The following NALF1 variants were observed in gnomAD, a reference collection of about 807,000 sequenced individuals.
NALF1 encodes NALCN channel auxiliary factor 1.
A neutral mutation model predicts 48.4 loss-of-function variants in NALF1; 3 were observed. The observed-to-expected ratio is 0.06, with a 90% confidence interval of 0.03 to 0.16. The LOEUF (loss-of-function observed/expected upper bound fraction) is 0.16, where lower values mean the gene tolerates loss of function less well. Ranked by LOEUF, NALF1 falls within the 10% of genes least tolerant of loss-of-function variation. The probability of loss-of-function intolerance (pLI) is 1.00; values close to 1 mark genes in which losing one functional copy is unlikely to be tolerated. For synonymous variants in NALF1, 262 were observed against 245.7 expected (o/e 1.07, Z -0.62); for missense variants, 526 against 571.5 (o/e 0.92, Z 0.81).
At chr13:107,630,745 AAT>A (rs3073021) in intron 1 of NALF1, among the ~76,000 whole-genome samples, 86,344 of 150,618 alleles carry the variant, frequency 0.57, 27,315 homozygotes, top group East Asian at 0.99. Flanking sequence ...CGGTTTGTAA[AAT>A]ATATATATAT....
At chr13:107,855,486 C>T (rs1195965191) in intron 1 of NALF1, among the ~76,000 whole-genome samples, 1 of 152,198 alleles carries the variant, frequency 6.6e-6, no homozygotes, top group African/African-American at 2.4e-5. Flanking sequence ...TTACACCAAG[C>T]TGCCACAACA....
chr13:107,247,689 A>G (rs962524005), intron 1 of NALF1, among the ~76,000 whole-genome samples: 2 of 152,224 alleles, frequency 1.3e-5, no homozygotes, highest in African/African-American at 2.4e-5. Context: ...AAGGAAATTT[A>G]ATTAATTCAA....
chr13:107,698,123 T>C (rs1441301069), intron 1 of NALF1, among the ~76,000 whole-genome samples: 1 of 152,202 alleles, frequency 6.6e-6, no homozygotes. Flanking sequence ...TTTTTACTGA[T>C]AGCAATTACT....
At chr13:107,851,387 C>G (rs1880310423) in intron 1 of NALF1, among the ~76,000 whole-genome samples, 1 of 151,868 alleles carries the variant, frequency 6.6e-6, no homozygotes. Flanking sequence ...AGACACATCC[C>G]CACTGCAAGC....
chr13:107,285,064 A>G (rs183838832), intron 1 of NALF1, among the ~76,000 whole-genome samples: 85 of 152,356 alleles, frequency 5.6e-4, no homozygotes, highest in African/African-American at 1.9e-3. Context: ...ATTGAAGCAT[A>G]GATTCAATGA....
At chr13:107,528,076 C>T (rs570189002) in intron 1 of NALF1, among the ~76,000 whole-genome samples, 3 of 151,882 alleles carry the variant, frequency 2.0e-5, no homozygotes, top group South Asian at 2.1e-4. Flanking sequence ...TATAAAAATG[C>T]GAGTATATAT....
In NALF1 at chr13:107,635,746, G is replaced by A. The variant is rs189997644; in HGVS notation, c.915+229936C>T. 4.3e-4 allele frequency among the ~76,000 whole-genome samples: 65 copies of A among 152,188 alleles called. No homozygotes were observed. In the South Asian group the frequency reaches 1.0e-2, roughly 23 times the overall value. On this transcript the variant is annotated intron_variant, in intron 1 of 2. Transcript: ENST00000375915. ...TGGACGACACTTAGCCCCATAAGCC[G>A]CACATGACTGTTACTTAACGTTAGT...
chr13:107,580,145 T>C (rs1436342629), intron 1 of NALF1, among the ~76,000 whole-genome samples: 1 of 152,038 alleles, frequency 6.6e-6, no homozygotes. Flanking sequence ...ATGTCCTTTG[T>C]AGGGACATAG....
intron 1 of NALF1, among the ~76,000 whole-genome samples, chr13:107,806,443 A>G (rs1464502706): frequency 6.6e-6 from 1 of 152,190 alleles, no homozygotes; most frequent in African/African-American, 2.4e-5. Context: ...TAAAAAGCCA[A>G]TTACATATTT....
chr13:107,212,119 C>T (rs1879774890), intron 1 of NALF1, among the ~76,000 whole-genome samples: 1 of 152,120 alleles, frequency 6.6e-6, no homozygotes, highest in Admixed American at 6.5e-5. Flanking sequence ...GCCTTCCATG[C>T]CCCGGGTCAA....
intron 1 of NALF1, among the ~76,000 whole-genome samples, chr13:107,338,995 G>A (rs1025003467): frequency 2.6e-5 from 4 of 152,004 alleles, no homozygotes; most frequent in Non-Finnish European, 4.4e-5. Context: ...TTAGCCGGGC[G>A]TGGTGGCAGG....
intron 1 of NALF1, among the ~76,000 whole-genome samples, chr13:107,245,229 A>ATATTTAAT (rs1880556425): frequency 6.6e-6 from 1 of 152,248 alleles, no homozygotes; most frequent in Non-Finnish European, 1.5e-5. Flanking sequence ...ATATAATGAT[A>ATATTTAAT]GCTACTTCTA....
rs545561489 is a variant in NALF1, at chr13:107,831,007, C to T, written c.915+34675G>A. Among the ~76,000 whole-genome samples, 27 of 152,264 alleles carry T rather than the reference C, an allele frequency of 1.8e-4. No individual in the cohort carries two copies. In the South Asian group the frequency reaches 4.6e-3, roughly 26 times the overall value. On this transcript the variant is annotated intron_variant, in intron 1 of 2. Coordinates refer to ENST00000375915, the MANE Select transcript of NALF1 (RefSeq NM_001080396.3). ...CAGTGCTGACCTCACTCTGGCTGTGCGGATTAAAGGAGCTCCTTATAACCA... is the reference window on the plus strand; with the variant it reads ...CAGTGCTGACCTCACTCTGGCTGTGTGGATTAAAGGAGCTCCTTATAACCA...
At chr13:107,726,604 A>C in intron 1 of NALF1, among the ~76,000 whole-genome samples, 1 of 130,106 alleles carries the variant, frequency 7.7e-6, no homozygotes, top group Non-Finnish European at 1.6e-5. Flanking sequence ...ATGTAAAGGC[A>C]AATTCTTTTT....
chr13:107,447,536 T>G (rs1594068062), intron 1 of NALF1, among the ~76,000 whole-genome samples: 1 of 152,214 alleles, frequency 6.6e-6, no homozygotes, highest in African/African-American at 2.4e-5. Context: ...GCTTTACCAA[T>G]ATGCTAGGCA....
intron 1 of NALF1, among the ~76,000 whole-genome samples, chr13:107,709,316 A>AT (rs1460671845): frequency 1.3e-5 from 2 of 152,194 alleles, no homozygotes; most frequent in Non-Finnish European, 2.9e-5. Context: ...AGAAGAGGAG[A>AT]TGGGGCATGG....
intron 1 of NALF1, among the ~76,000 whole-genome samples, chr13:107,819,779 C>T (rs1428779277): frequency 6.6e-6 from 1 of 151,684 alleles, no homozygotes; most frequent in Non-Finnish European, 1.5e-5. Context: ...CACACACACA[C>T]AGCACACACA....
intron 1 of NALF1, among the ~76,000 whole-genome samples, chr13:107,522,462 T>G (rs1876275695): frequency 6.6e-6 from 1 of 152,158 alleles, no homozygotes; most frequent in South Asian, 2.1e-4. Context: ...GTCTTCTATC[T>G]TTTCCAGAAT....
At chr13:107,531,722 T>C (rs1423023171) in intron 1 of NALF1, among the ~76,000 whole-genome samples, 1 of 152,126 alleles carries the variant, frequency 6.6e-6, no homozygotes, top group South Asian at 2.1e-4. Flanking sequence ...TTTATCTCAG[T>C]ATGCTCATCT....
Sources: gnomAD v4.1 joint callset for allele counts (sites outside exome capture counted in the v4.1 genomes callset) on GRCh38, gnomAD v4.1.1 for gene constraint, MANE v1.5 for transcripts, NCBI Gene and HGNC (gene_info 2026-07-23, HGNC 2026-07-21) for gene names.